SLIT3: variants seen among roughly 807,000 people sequenced by gnomAD.
SLIT3 encodes the protein slit guidance ligand 3.
Under a neutral mutation model 184.0 loss-of-function variants are expected in SLIT3, and 68 were observed. The observed-to-expected ratio is 0.37, with a 90% CI of 0.30 to 0.45. The LOEUF is 0.45. SLIT3 is among the 20% of genes least tolerant of loss of function. The probability of loss-of-function intolerance (pLI) is 1.00; values close to 1 mark genes in which losing one functional copy is unlikely to be tolerated. For missense variants in SLIT3, 1,707 were observed against 2,026.0 expected (o/e 0.84, Z 3.02); for synonymous variants, 831 against 828.6 (o/e 1.00, Z -0.05).
chr5:168,992,847 A>G (rs778167950), intron 4 of SLIT3, among the ~76,000 whole-genome samples: 60 of 152,234 alleles, frequency 3.9e-4, no homozygotes, highest in Non-Finnish European at 7.6e-4. Flanking sequence ...CTCAAATCCC[A>G]GGTGCATTAG....
intron 20 of SLIT3, among the ~76,000 whole-genome samples, chr5:168,728,899 CAG>C (rs1763214051): frequency 6.7e-6 from 1 of 149,454 alleles, no homozygotes; most frequent in Non-Finnish European, 1.5e-5. Context: ...GCTTGAGTGA[CAG>C]AGTTAGACTC....
chr5:168,857,395 T>C (rs1561971243), intron 5 of SLIT3, among the ~76,000 whole-genome samples: 1 of 151,992 alleles, frequency 6.6e-6, no homozygotes, highest in East Asian at 1.9e-4. Flanking sequence ...TTTGTTTTGT[T>C]TTGTTTTGTT....
chr5:169,243,106 GA>G (rs1401877850), intron 3 of SLIT3, among the ~76,000 whole-genome samples: 1 of 151,988 alleles, frequency 6.6e-6, no homozygotes, highest in Non-Finnish European at 1.5e-5. Context: ...CACCTCATAG[GA>G]ATTTTTGTGG....
At chr5:169,080,980 G>A (rs1403999028) in intron 4 of SLIT3, among the ~76,000 whole-genome samples, 1 of 152,210 alleles carries the variant, frequency 6.6e-6, no homozygotes. Context: ...CCCCTGAGCT[G>A]TCACATGAGA....
intron 26 of SLIT3, among the ~76,000 whole-genome samples, chr5:168,702,675 C>CGATGATGATGATGAT (rs10596363): frequency 6.7e-6 from 1 of 149,496 alleles, no homozygotes. Context: ...TAAATAATAG[C>CGATGATGATGATGAT]GATGATGATG....
intron 4 of SLIT3, among the ~76,000 whole-genome samples, chr5:169,155,590 C>T (rs1040333153): frequency 2.0e-5 from 3 of 152,140 alleles, no homozygotes; most frequent in East Asian, 3.9e-4. Flanking sequence ...TGAGTCTTTG[C>T]TCACTGCAGT....
Position 168,662,835 on chromosome 5 carries a change from A to G in SLIT3, c.*3619T>C. The G allele has an allele frequency of 6.6e-6, 1 of 152,202 alleles. No homozygotes were observed. The highest frequency in any genetic ancestry group is 6.5e-5 in the Admixed American group (1 of 15,278). The allele number at this position is 152,202 out of a possible 1,614,324, so 9.4% of individuals were successfully genotyped here. ...CACTGAACCACACTTTTTCAGGAGCAAATTAACTGAACTCTTCCTGCCTCA... is the reference window on the plus strand; with the variant it reads ...CACTGAACCACACTTTTTCAGGAGCGAATTAACTGAACTCTTCCTGCCTCA... On this transcript the variant is annotated 3_prime_UTR_variant, in exon 36 of 36. Coordinates refer to ENST00000519560, the MANE Select transcript of SLIT3 (RefSeq NM_003062.4).
Position 169,049,375 on chromosome 5 carries a change from C to T in SLIT3, c.413+144104G>A, listed in dbSNP as rs143494564. On this transcript the variant is annotated intron_variant, in intron 4 of 35. Transcript: ENST00000519560. ...AGGTGCTAAGGTAACCAGAGGAAGTCAGCAGGAATCAACCTACATATTTAC... is the reference window on the plus strand; with the variant it reads ...AGGTGCTAAGGTAACCAGAGGAAGTTAGCAGGAATCAACCTACATATTTAC... Among the ~76,000 whole-genome samples the T allele has an allele frequency of 2.7e-4, 41 of 152,204 alleles. 2 individuals carry two copies. The highest frequency in any genetic ancestry group is 9.4e-4 in the African/African-American group (39 of 41,558).
At chr5:168,704,173 G>A (rs1762308944) in intron 26 of SLIT3, among the ~76,000 whole-genome samples, 1 of 152,028 alleles carries the variant, frequency 6.6e-6, no homozygotes, top group African/African-American at 2.4e-5. Context: ...AAGCTCTCCA[G>A]TGATTCTTAT....
At chr5:169,225,720 G>A (rs1764783965) in intron 3 of SLIT3, among the ~76,000 whole-genome samples, 1 of 152,200 alleles carries the variant, frequency 6.6e-6, no homozygotes, top group African/African-American at 2.4e-5. Flanking sequence ...ACAGGGGGTG[G>A]GCGGCAGGGG....
At chr5:168,716,833 G>A (rs1168602133) in intron 23 of SLIT3, among the ~76,000 whole-genome samples, 3 of 150,948 alleles carry the variant, frequency 2.0e-5, no homozygotes, top group Admixed American at 6.5e-5. Context: ...AGCCTGCGAT[G>A]GGGAAGCAGG....
chr5:168,869,884 C>T (rs1286516955), intron 5 of SLIT3, among the ~76,000 whole-genome samples: 2 of 152,180 alleles, frequency 1.3e-5, no homozygotes, highest in Non-Finnish European at 2.9e-5. Flanking sequence ...CTGGGGACTG[C>T]GTACAGAGAG....
At chr5:168,755,448 T>TCTTGCTTTCTTGCTTTCTTGCTTTC (rs1419173588) in intron 16 of SLIT3, among the ~76,000 whole-genome samples, 1 of 102,566 alleles carries the variant, frequency 9.7e-6, no homozygotes. Flanking sequence ...TTTCTTTCTT[T>TCTTGCTTTCTTGCTTTCTTGCTTTC]TTGAGACAGA....
At chr5:168,715,931 C>A (rs910833512) in intron 23 of SLIT3, among the ~76,000 whole-genome samples, 2 of 151,936 alleles carry the variant, frequency 1.3e-5, no homozygotes. Flanking sequence ...CTTGGCCCCC[C>A]AAAGTGCTGG....
At chr5:169,237,614 T>C (rs1765248982) in intron 3 of SLIT3, among the ~76,000 whole-genome samples, 1 of 152,196 alleles carries the variant, frequency 6.6e-6, no homozygotes, top group Non-Finnish European at 1.5e-5. Context: ...AGGTGTGTAG[T>C]AGTATCTCAC....
intron 20 of SLIT3, among the ~76,000 whole-genome samples, chr5:168,726,404 CAGGGAGGCAG>C (rs1479715742): frequency 1.7e-4 from 1 of 5,882 alleles, no homozygotes; most frequent in African/African-American, 6.6e-4. Flanking sequence ...CAGAGGGAGG[CAGGGAGGCAG>C]AGGGAGGCAG....
intron 4 of SLIT3, among the ~76,000 whole-genome samples, chr5:169,027,842 T>C (rs1358622576): frequency 2.6e-5 from 4 of 152,192 alleles, no homozygotes; most frequent in Non-Finnish European, 5.9e-5. Flanking sequence ...GAAGCATTAG[T>C]GGTTCAAAGA....
At chr5:169,148,185 A>T (rs1178903257) in intron 4 of SLIT3, among the ~76,000 whole-genome samples, 1 of 152,114 alleles carries the variant, frequency 6.6e-6, no homozygotes, top group Non-Finnish European at 1.5e-5. Flanking sequence ...CAGGGTCAGA[A>T]TTGTTCACGT....
chr5:168,808,788 C>A (rs145371058), intron 8 of SLIT3, among the ~76,000 whole-genome samples: 1 of 152,322 alleles, frequency 6.6e-6, no homozygotes, highest in African/African-American at 2.4e-5. Context: ...AGGCTCCCAT[C>A]CCATCACCCA....
Sources: gnomAD v4.1 joint callset for allele counts (sites outside exome capture counted in the v4.1 genomes callset) on GRCh38, gnomAD v4.1.1 for gene constraint, MANE v1.5 for transcripts, NCBI Gene and HGNC (gene_info 2026-07-23, HGNC 2026-07-21) for gene names.